AGBL1: variants seen among roughly 807,000 people sequenced by gnomAD.
AGBL1 encodes cytosolic carboxypeptidase 4.
Under a neutral mutation model 118.9 loss-of-function variants are expected in AGBL1, and 130 were observed. The ratio of observed to expected loss-of-function variants is 1.09; its 90% CI spans 0.95 to 1.26. AGBL1 has a LOEUF of 1.26. Ranked by LOEUF, AGBL1 falls within the 50% of genes most tolerant of loss-of-function variation. The probability of loss-of-function intolerance (pLI) is 0.00; values close to 1 mark genes in which losing one functional copy is unlikely to be tolerated. For missense variants in AGBL1, 1,584 were observed against 1,298.1 expected (o/e 1.22, Z -3.38); for synonymous variants, 555 against 478.9 (o/e 1.16, Z -2.08).
intron 1 of AGBL1, among the ~76,000 whole-genome samples, chr15:86,085,230 G>A (rs1226023468): frequency 2.6e-5 from 4 of 152,322 alleles, no homozygotes; most frequent in African/African-American, 9.6e-5. Flanking sequence ...CTTGGAAAAT[G>A]GGTCTAATTT....
At chr15:87,003,472 C>T (rs1171643052) in intron 24 of AGBL1, among the ~76,000 whole-genome samples, 6 of 152,204 alleles carry the variant, frequency 3.9e-5, no homozygotes, top group South Asian at 2.1e-4. Flanking sequence ...GCTTTGGTAT[C>T]GTGATGATGC....
At chr15:86,954,057 C>A (rs1304726048) in intron 23 of AGBL1, among the ~76,000 whole-genome samples, 1 of 152,138 alleles carries the variant, frequency 6.6e-6, no homozygotes, top group Non-Finnish European at 1.5e-5. Flanking sequence ...TCACACCAGT[C>A]TGGCTATTAA....
At chr15:86,664,197 C>T (rs7176651) in intron 21 of AGBL1, among the ~76,000 whole-genome samples, 60,163 of 151,966 alleles carry the variant, frequency 0.4, 12,304 homozygotes, top group East Asian at 0.67. Context: ...AGGCTTTATA[C>T]GGAGGAGCCC....
At chr15:86,242,215 T>C (rs2078651757) in intron 6 of AGBL1, among the ~76,000 whole-genome samples, 1 of 152,138 alleles carries the variant, frequency 6.6e-6, no homozygotes, top group East Asian at 1.9e-4. Flanking sequence ...TATGTCTTTA[T>C]TAGCAGCATG....
intron 22 of AGBL1, among the ~76,000 whole-genome samples, chr15:86,798,545 A>C (rs1005239384): frequency 3.3e-5 from 5 of 151,928 alleles, no homozygotes; most frequent in African/African-American, 1.2e-4. Context: ...ATGAGCCACT[A>C]TTCTATAATA....
chr15:86,193,348 G>C (rs2077752238), intron 5 of AGBL1, among the ~76,000 whole-genome samples: 1 of 152,222 alleles, frequency 6.6e-6, no homozygotes, highest in Non-Finnish European at 1.5e-5. Context: ...GGAAATGGGA[G>C]CATGTGGTCT....
intron 22 of AGBL1, among the ~76,000 whole-genome samples, chr15:86,889,533 C>G (rs545424454): frequency 2.0e-5 from 3 of 152,252 alleles, no homozygotes; most frequent in Admixed American, 6.5e-5. Context: ...CTTCCTGATG[C>G]TCTCCCTTCC....
intron 22 of AGBL1, among the ~76,000 whole-genome samples, chr15:86,788,994 C>T (rs940552332): frequency 6.6e-6 from 1 of 152,178 alleles, no homozygotes; most frequent in Admixed American, 6.5e-5. Flanking sequence ...TAAAGGCAAG[C>T]TTTGCAGAGT....
At chr15:86,358,345 T>C (rs1418813004) in intron 17 of AGBL1, among the ~76,000 whole-genome samples, 1 of 152,110 alleles carries the variant, frequency 6.6e-6, no homozygotes, top group Non-Finnish European at 1.5e-5. Flanking sequence ...ATCCATACTG[T>C]CATGAATGGC....
intron 21 of AGBL1, among the ~76,000 whole-genome samples, chr15:86,557,249 T>C (rs978506281): frequency 6.6e-6 from 1 of 152,176 alleles, no homozygotes; most frequent in Non-Finnish European, 1.5e-5. Context: ...CAAAATGAAA[T>C]GATGCATCCT....
intron 24 of AGBL1, among the ~76,000 whole-genome samples, chr15:87,020,530 G>T (rs1057427941): frequency 8.6e-5 from 13 of 151,788 alleles, no homozygotes; most frequent in African/African-American, 3.1e-4. Flanking sequence ...AGAAATAAAG[G>T]GTATTTAAAT....
intron 4 of AGBL1, among the ~76,000 whole-genome samples, chr15:86,155,285 C>T (rs1239094411): frequency 6.6e-6 from 1 of 151,872 alleles, no homozygotes; most frequent in African/African-American, 2.4e-5. Flanking sequence ...TTGGTCTCTG[C>T]TAAAAATACA....
At chr15:86,640,253 T>C (rs1016371880) in intron 21 of AGBL1, among the ~76,000 whole-genome samples, 1 of 152,202 alleles carries the variant, frequency 6.6e-6, no homozygotes, top group African/African-American at 2.4e-5. Flanking sequence ...GTCATTCCTA[T>C]GTTTATAAAG....
chr15:86,687,186 C>A (rs1026136906), intron 22 of AGBL1, among the ~76,000 whole-genome samples: 1 of 152,224 alleles, frequency 6.6e-6, no homozygotes, highest in East Asian at 1.9e-4. Context: ...GCCAGTTTAC[C>A]TTCAATAGAA....
In AGBL1 at chr15:86,110,581, A is replaced by G. The variant is rs75391095; in HGVS notation, c.51+30558A>G. Among the ~76,000 whole-genome samples the G allele has an allele frequency of 9.5e-3, 1,450 of 152,184 alleles. 24 individuals carry two copies. Among genetic ancestry groups the G allele is most frequent in the African/African-American group, 0.034 (1,395 of 41,498 alleles). On this transcript the variant is annotated intron_variant, in intron 1 of 22. Transcript: ENST00000614907. ...AGAGGGGGAAGAAAATCCATGTATG[A>G]GTGGACCAGCACAGTTCATACCCAT...
At chr15:87,018,540 C>A (rs916255987) in intron 24 of AGBL1, among the ~76,000 whole-genome samples, 2 of 152,080 alleles carry the variant, frequency 1.3e-5, no homozygotes, top group Non-Finnish European at 2.9e-5. Flanking sequence ...GATATAAGAT[C>A]TTCTTTGGAC....
At chr15:86,505,192 T>C (rs1254814536) in intron 18 of AGBL1, among the ~76,000 whole-genome samples, 1 of 151,920 alleles carries the variant, frequency 6.6e-6, no homozygotes, top group Non-Finnish European at 1.5e-5. Context: ...AAATTCTCTT[T>C]GTCTTTTGAT....
chr15:86,509,983 G>A (rs2083034486), intron 18 of AGBL1, among the ~76,000 whole-genome samples: 1 of 145,076 alleles, frequency 6.9e-6, no homozygotes. Flanking sequence ...CTGTGGCACT[G>A]AGTGCTATCC....
rs533957943 is a variant in AGBL1, at chr15:87,020,201, A to C, written c.3324-8624A>C. 1.8e-3 allele frequency among the ~76,000 whole-genome samples: 266 copies of C among 151,484 alleles called. 1 individual carries two copies. The highest frequency in any genetic ancestry group is 6.0e-3 in the African/African-American group (250 of 41,480). On this transcript the variant is annotated intron_variant, in intron 24 of 24. Coordinates refer to the AGBL1 transcript ENST00000441037. ...CAGAGGTACAAACAAGAGCTGGTACAATTTACACTGAATGTCATTGATCAC... is the reference window on the plus strand; with the variant it reads ...CAGAGGTACAAACAAGAGCTGGTACCATTTACACTGAATGTCATTGATCAC...
Sources: allele counts gnomAD v4.1 joint callset (sites outside exome capture counted in the v4.1 genomes callset), GRCh38; gene constraint gnomAD v4.1.1; transcripts MANE v1.5; gene names NCBI Gene and HGNC (gene_info 2026-07-23, HGNC 2026-07-21).